The following WDFY4 variants were observed in gnomAD, a reference collection of about 807,000 sequenced individuals.
WDFY4 encodes the protein WD repeat- and FYVE domain-containing protein 4.
In WDFY4, 169 loss-of-function variants were observed where a neutral mutation model predicts 351.9. That is an observed-to-expected ratio of 0.48 (90% confidence interval 0.42 to 0.55). The LOEUF (loss-of-function observed/expected upper bound fraction) is 0.55, where lower values mean the gene tolerates loss of function less well. Ranked by LOEUF, WDFY4 falls within the 20% of genes least tolerant of loss-of-function variation. The pLI, the probability that WDFY4 is intolerant of heterozygous loss-of-function variation, is 0.00. For missense variants in WDFY4, 3,803 were observed against 3,935.6 expected (o/e 0.97, Z 0.90); for synonymous variants, 1,622 against 1,574.6 (o/e 1.03, Z -0.71).
chr10:48,751,788 T>TCTCTGTC (rs1212459912), intron 12 of WDFY4, among the ~76,000 whole-genome samples: 1 of 152,172 alleles, frequency 6.6e-6, no homozygotes, highest in East Asian at 1.9e-4. Context: ...CTTCCATATC[T>TCTCTGTC]AAGCAAGACA....
At chr10:48,823,265 C>G in intron 35 of WDFY4, 1 of 1,297,724 alleles carries the variant, frequency 7.7e-7, no homozygotes, top group African/African-American at 1.5e-5. Flanking sequence ...GATGGGGAAC[C>G]CCCTAAAATT....
In WDFY4 at chr10:48,765,709, C is replaced by A. The variant is rs1299205957; in HGVS notation, c.2553+5269C>A. On this transcript the variant is annotated intron_variant, in intron 13 of 61. Transcript: ENST00000325239. The stretch of plus-strand genomic sequence containing the variant: ...CCTGAGGACTGGACCTCCTGCCCCC[C>A]ACCAAGTTACCTTTCTCATAGGGAA... Among the ~76,000 whole-genome samples, 5 of 152,174 alleles carry A rather than the reference C, an allele frequency of 3.3e-5. No individual in the cohort carries two copies. The East Asian group carries it at 9.6e-4, about 29-fold the overall frequency.
chr10:48,910,717 A>T (rs1837919787), intron 47 of WDFY4, among the ~76,000 whole-genome samples: 2 of 152,052 alleles, frequency 1.3e-5, no homozygotes, highest in Non-Finnish European at 2.9e-5. Context: ...CCTTCCTGAG[A>T]TGTGTGATAA....
At chr10:48,816,064 C>T (rs550723514) in intron 31 of WDFY4, among the ~76,000 whole-genome samples, 7 of 152,150 alleles carry the variant, frequency 4.6e-5, no homozygotes, top group African/African-American at 1.7e-4. Context: ...TTATTATTGG[C>T]TTGTTTAGGC....
In WDFY4 at chr10:48,823,845, CTGTT is replaced by C. The variant is rs138337925; in HGVS notation, c.5982+1311_5982+1314del. 1,577 of 987,444 alleles carry C rather than the reference CTGTT, an allele frequency of 1.6e-3. 23 individuals carry two copies. The African/African-American group carries it at 0.025, about 16-fold the overall frequency. 61.2% of individuals were successfully genotyped at this position (987,444 alleles called of 1,614,324 possible). ...CTGTGATGCCTGCCCCTCTTAACCT[CTGTT>C]TGAGACCCATCTGAGGAGCAGGAGA... On this transcript the variant is annotated intron_variant, in intron 35 of 61. Coordinates refer to ENST00000325239, the MANE Select transcript of WDFY4 (RefSeq NM_001394531.1).
rs577726951 is a variant in WDFY4 at position 48,825,796 on chromosome 10, A to G, written c.5983-875A>G. Among the ~76,000 whole-genome samples the G allele has an allele frequency of 2.6e-5, 4 of 151,922 alleles. No homozygotes were observed. The South Asian group carries it at 8.3e-4, about 32-fold the overall frequency. ...TGTTCATGTCCTTTGCTCATTTTTA[A>G]TGGGGTCGTTTGGTTTTTTCTTATA... is the stretch of plus-strand genomic sequence containing the variant. On this transcript the variant is annotated intron_variant, in intron 35 of 61. Coordinates refer to ENST00000325239, the MANE Select transcript of WDFY4 (RefSeq NM_001394531.1).
At chr10:48,938,381 A>T (rs891258968) in intron 47 of WDFY4, among the ~76,000 whole-genome samples, 2 of 152,222 alleles carry the variant, frequency 1.3e-5, no homozygotes, top group Non-Finnish European at 2.9e-5. Context: ...CAGGGCTGAG[A>T]GGGTGCAGCC....
intron 43 of WDFY4, chr10:48,884,280 G>C (rs965541296): frequency 1.3e-5 from 2 of 152,190 alleles, no homozygotes; most frequent in African/African-American, 2.4e-5. Flanking sequence ...TGTAGAAGGT[G>C]AGGGTGGGTG....
Position 48,733,984 on chromosome 10 carries a change from G to A in WDFY4, c.1636G>A (p.Val546Met). The change falls in exon 10 of 62, where the codon GTG becomes ATG. Residue 546 changes from valine to methionine, a missense_variant. Physicochemically the swap from Val to Met is conservative, Grantham distance 21. This residue lies in a region of WDFY4 where 261 missense variants were observed against 330.2 expected (regional missense o/e 0.79). Coordinates refer to ENST00000325239, the MANE Select transcript of WDFY4 (RefSeq NM_001394531.1). The part of the protein sequence containing the change: ...VQDPERELTC[V>M]MLRIVVTLLK... Reference sequence around the variant, plus strand: ...GGATCCAGAAAGAGAACTCACCTGTGTGATGCTGAGGATTGTAGTCACACT... The same window carrying A: ...GGATCCAGAAAGAGAACTCACCTGTATGATGCTGAGGATTGTAGTCACACT... 1 of 1,551,920 alleles carries A rather than the reference G, an allele frequency of 6.4e-7. No individual in the cohort carries two copies. Among genetic ancestry groups the A allele is most frequent in the South Asian group, 1.2e-5 (1 of 84,064 alleles).
rs773841363 is a variant in WDFY4, at chr10:48,982,639, G to A, written c.*64G>A. The A allele has an allele frequency of 1.3e-6, 2 of 1,498,534 alleles. No homozygotes were observed. The highest frequency in any genetic ancestry group is 1.2e-5 in the South Asian group (1 of 82,598). 92.8% of individuals were successfully genotyped at this position (1,498,534 alleles called of 1,614,324 possible). A position where few individuals can be genotyped will look rare whatever the true frequency, so the allele number is the denominator to read the frequency against. On this transcript the variant is annotated 3_prime_UTR_variant, in exon 62 of 62. Coordinates refer to ENST00000325239, the MANE Select transcript of WDFY4 (RefSeq NM_001394531.1). ...AGGCTGAGGGTGGCAGAGGTGACTG[G>A]GGCCTGAGCTCTGCCTACAGAAGAA...
chr10:48,968,014 A>T (rs927953816), intron 55 of WDFY4: 2 of 152,216 alleles, frequency 1.3e-5, no homozygotes, highest in African/African-American at 4.8e-5. Context: ...CCCTGCCCTC[A>T]TGGAAAGGGA....
intron 47 of WDFY4, among the ~76,000 whole-genome samples, chr10:48,924,631 A>C (rs992834384): frequency 6.6e-6 from 1 of 152,156 alleles, no homozygotes; most frequent in South Asian, 2.1e-4. Context: ...ATTTTTTTTT[A>C]TACTTTGGAA....
chr10:48,735,722 G>C (rs2064636451), intron 10 of WDFY4, among the ~76,000 whole-genome samples, 158 bp from the exon 11 acceptor site: 1 of 151,994 alleles, frequency 6.6e-6, no homozygotes, highest in South Asian at 2.1e-4. Flanking sequence ...CTTTAACAGT[G>C]GGTATGGGTT....
At chr10:48,774,344 G>C (rs2065959878) in intron 13 of WDFY4, 114 bp from the exon 14 acceptor site, 15 of 1,073,172 alleles carry the variant, frequency 1.4e-5, no homozygotes, top group Non-Finnish European at 2.0e-5. Context: ...ATGGGGTATG[G>C]TGGGCGCAGT....
chr10:48,957,040 C>T, intron 51 of WDFY4, 89 bp from the exon 52 acceptor site: 4 of 1,476,178 alleles, frequency 2.7e-6, no homozygotes, highest in Non-Finnish European at 3.6e-6. Context: ...AATGGTGGAA[C>T]CCGTGCCTCT....
intron 51 of WDFY4, among the ~76,000 whole-genome samples, chr10:48,953,331 T>TCA (rs1204371648): frequency 1.1e-3 from 90 of 81,146 alleles, no homozygotes; most frequent in African/African-American, 2.4e-3. Flanking sequence ...TCTCTCTCTC[T>TCA]CTCACACACA....
intron 2 of WDFY4, among the ~76,000 whole-genome samples, chr10:48,711,316 G>A (rs2063763075): frequency 6.6e-6 from 1 of 152,150 alleles, no homozygotes; most frequent in Admixed American, 6.5e-5. Context: ...TGCATAACTA[G>A]GGCTAGATTA....
intron 43 of WDFY4, among the ~76,000 whole-genome samples, chr10:48,884,576 C>T (rs186681284): frequency 9.9e-4 from 151 of 151,970 alleles, no homozygotes; most frequent in African/African-American, 3.3e-3. Context: ...ACACCTGATG[C>T]GTGTACACAT....
chr10:48,887,363 A>G (rs1391260133), intron 43 of WDFY4, among the ~76,000 whole-genome samples: 2 of 152,256 alleles, frequency 1.3e-5, no homozygotes, highest in African/African-American at 4.8e-5. Flanking sequence ...GCAGCCTGAC[A>G]TAATCTTCCT....
Sources: gnomAD v4.1 joint callset for allele counts (sites outside exome capture counted in the v4.1 genomes callset) on GRCh38, gnomAD v4.1.1 for gene constraint, gnomAD v4.1.1 regional missense constraint, MANE v1.5 for transcripts, NCBI Gene and HGNC (gene_info 2026-07-23, HGNC 2026-07-21) for gene names.